SERPINI1: variants seen among roughly 807,000 people sequenced by gnomAD.
The protein encoded by SERPINI1 is serpin family I member 1, also known as neuroserpin.
In SERPINI1, 19 loss-of-function variants were observed where a neutral mutation model predicts 41.1. The observed-to-expected ratio is 0.46, with a 90% confidence interval of 0.32 to 0.68. SERPINI1 has a LOEUF of 0.68. SERPINI1 is among the 30% of genes least tolerant of loss of function. The pLI is 0.03. For missense variants in SERPINI1, 460 were observed against 479.2 expected, an observed-to-expected ratio of 0.96 and a Z score of 0.37; for synonymous variants, 138 against 156.6, an observed-to-expected ratio of 0.88 and a Z score of 0.89.
At chr3:167,811,644 T>C (rs539117038) in intron 6 of SERPINI1, among the ~76,000 whole-genome samples, 2 of 152,024 alleles carry the variant, frequency 1.3e-5, no homozygotes, top group East Asian at 1.9e-4. Context: ...TGCTCTGTAG[T>C]GTTTGGAATT....
chr3:167,818,077 G>A (rs1159023331), intron 6 of SERPINI1, among the ~76,000 whole-genome samples: 5 of 152,094 alleles, frequency 3.3e-5, no homozygotes, highest in Non-Finnish European at 7.3e-5. Context: ...CCAGACTGGA[G>A]TGCAATGGCA....
At chr3:167,762,671 T>C (rs1363234222) in intron 1 of SERPINI1, among the ~76,000 whole-genome samples, 2 of 152,174 alleles carry the variant, frequency 1.3e-5, no homozygotes, top group African/African-American at 2.4e-5. Context: ...TTGAAACCTT[T>C]GTTCAAAAAT....
chr3:167,790,595 C>T lies in SERPINI1; in HGVS notation c.474C>T (p.Asn158=). ...ACATCAATAAGTGGGTGGAGAATAACACAAACAGTATGTCACTTGGTTCCT... is the reference window on the plus strand; with the variant it reads ...ACATCAATAAGTGGGTGGAGAATAATACAAACAGTATGTCACTTGGTTCCT... ...ANYINKWVEN[N]TNNLVKDLVS... is the part of the protein sequence containing the mutation. Residue 158 remains asparagine (N), a synonymous_variant, in exon 3 of 9, where the codon AAC becomes AAT. Transcript: ENST00000446050. 1 of 1,610,450 alleles carries T rather than the reference C, an allele frequency of 6.2e-7. No homozygotes were observed. The highest frequency in any genetic ancestry group is 1.3e-5 in the African/African-American group (1 of 74,956).
intron 5 of SERPINI1, among the ~76,000 whole-genome samples, chr3:167,805,862 G>C (rs773603739): frequency 3.3e-5 from 5 of 151,960 alleles, no homozygotes; most frequent in Non-Finnish European, 5.9e-5. Context: ...GATGTGTGGT[G>C]CTATTTCTGA....
intron 1 of SERPINI1, among the ~76,000 whole-genome samples, chr3:167,754,867 C>T (rs1281815516): frequency 6.6e-6 from 1 of 152,176 alleles, no homozygotes; most frequent in Non-Finnish European, 1.5e-5. Context: ...CTACCCAACC[C>T]TGAGTAGGTG....
intron 1 of SERPINI1, among the ~76,000 whole-genome samples, chr3:167,748,560 C>T (rs1458530543): frequency 5.3e-5 from 8 of 151,990 alleles, no homozygotes; most frequent in Non-Finnish European, 7.4e-5. Flanking sequence ...AGTCATGCAA[C>T]ATTAAAAATA....
At chr3:167,771,242 T>C (rs988223781) in intron 1 of SERPINI1, among the ~76,000 whole-genome samples, 1 of 152,188 alleles carries the variant, frequency 6.6e-6, no homozygotes, top group African/African-American at 2.4e-5. Context: ...TGTGGCATTA[T>C]TTATGTAGTA....
At chr3:167,787,654 C>T (rs984157812) in intron 1 of SERPINI1, among the ~76,000 whole-genome samples, 4 of 152,178 alleles carry the variant, frequency 2.6e-5, no homozygotes, top group African/African-American at 7.2e-5. Flanking sequence ...CCATTAGCAA[C>T]GGAGGTGGTG....
intron 1 of SERPINI1, among the ~76,000 whole-genome samples, chr3:167,763,056 T>A (rs1726437178): frequency 6.6e-6 from 1 of 152,086 alleles, no homozygotes; most frequent in Admixed American, 6.6e-5. Context: ...CTCAGTTGGC[T>A]CATGTGTAAG....
rs574500314 is a variant in SERPINI1, at chr3:167,759,405, T to A, written c.-19+23582T>A. On this transcript the variant is annotated intron_variant, in intron 1 of 8. Transcript: ENST00000446050. ...CATTGGATAAAGAAAATGTGGTATATATATATATATATATATGCGCCATGC... is the reference window on the plus strand; with the variant it reads ...CATTGGATAAAGAAAATGTGGTATAAATATATATATATATATGCGCCATGC... 4.6e-5 allele frequency among the ~76,000 whole-genome samples: 6 copies of A among 129,120 alleles called. No homozygotes were observed. In the South Asian group the frequency reaches 1.3e-3, roughly 27 times the overall value. The allele number at this position is 129,120 out of a possible 152,430, so 84.7% of individuals were successfully genotyped here.
chr3:167,814,401 T>C (rs1030221022), intron 6 of SERPINI1, among the ~76,000 whole-genome samples: 1 of 152,182 alleles, frequency 6.6e-6, no homozygotes, highest in African/African-American at 2.4e-5. Context: ...GAACTCAAAT[T>C]CTAGGAACTT....
rs1214657145 is a variant in SERPINI1 at position 167,789,279 on chromosome 3, T to G, written c.151T>G (p.Leu51Val). The G allele has an allele frequency of 6.2e-7, 1 of 1,614,168 alleles. No homozygotes were observed. The highest frequency in any genetic ancestry group is 8.5e-7 in the Non-Finnish European group (1 of 1,179,998). Residue 51 changes from leucine (L) to valine (V), a missense_variant, in exon 2 of 9, where the codon TTG becomes GTG. Transcript: ENST00000446050. ...GEDENILFSP[L>V]SIALAMGMME... ...AGATGAAAATATTCTCTTCTCTCCATTGAGTATTGCTCTTGCAATGGGAAT... is the reference window on the plus strand; with the variant it reads ...AGATGAAAATATTCTCTTCTCTCCAGTGAGTATTGCTCTTGCAATGGGAAT...
intron 1 of SERPINI1, among the ~76,000 whole-genome samples, chr3:167,747,275 G>A (rs145874738): frequency 1.6e-4 from 24 of 152,204 alleles, no homozygotes; most frequent in African/African-American, 5.5e-4. Flanking sequence ...ATAGTTATGG[G>A]GTTTCTTTCT....
intron 4 of SERPINI1, among the ~76,000 whole-genome samples, chr3:167,794,054 A>T (rs1727632178): frequency 6.6e-6 from 1 of 152,162 alleles, no homozygotes; most frequent in Non-Finnish European, 1.5e-5. Context: ...CCAGGTATTA[A>T]ATGGTCAAAT....
chr3:167,793,657 G>A (rs1363083004), intron 4 of SERPINI1, among the ~76,000 whole-genome samples: 1 of 150,500 alleles, frequency 6.6e-6, no homozygotes, highest in Non-Finnish European at 1.5e-5. Flanking sequence ...GGAGGCTGAA[G>A]GAGGAAGATC....
At chr3:167,741,921 T>G (rs946870511) in intron 1 of SERPINI1, among the ~76,000 whole-genome samples, 5 of 152,048 alleles carry the variant, frequency 3.3e-5, no homozygotes, top group Non-Finnish European at 7.4e-5. Flanking sequence ...ACGAAACTTT[T>G]AAAAAAATTA....
rs187271930 is a variant in SERPINI1 at position 167,816,323 on chromosome 3, G to A, written c.980-6663G>A. Among the ~76,000 whole-genome samples the A allele has an allele frequency of 1.6e-4, 24 of 152,288 alleles. No homozygotes were observed. In the South Asian group the frequency reaches 2.9e-3, roughly 18 times the overall value. ...AGCCTCCCGTAGTGCTGGGACTACA[G>A]GCATGAGCCACAATGCCCGGCCTAT... On this transcript the variant is annotated intron_variant, in intron 6 of 8. Transcript: ENST00000446050.
chr3:167,794,514 T>C, intron 4 of SERPINI1, 106 bp from the exon 5 acceptor site: 1 of 833,806 alleles, frequency 1.2e-6, no homozygotes, highest in South Asian at 1.9e-5. Flanking sequence ...GTTGCACAAG[T>C]ACCTGAGCAG....
chr3:167,801,611 C>A (rs1359637508), intron 5 of SERPINI1, among the ~76,000 whole-genome samples: 1 of 129,338 alleles, frequency 7.7e-6, no homozygotes, highest in Non-Finnish European at 1.6e-5. Flanking sequence ...GAGATAATGA[C>A]ACTTATCTCA....
Sources: gnomAD v4.1 joint callset for allele counts (sites outside exome capture counted in the v4.1 genomes callset) on GRCh38, gnomAD v4.1.1 for gene constraint, MANE v1.5 for transcripts, NCBI Gene and HGNC (gene_info 2026-07-23, HGNC 2026-07-21) for gene names.